The following CCSER1 variants were observed in gnomAD, a reference collection of about 807,000 sequenced individuals.
CCSER1 encodes coiled-coil serine rich protein 1.
A neutral mutation model predicts 82.0 loss-of-function variants in CCSER1; 41 were observed. The ratio of observed to expected loss-of-function variants is 0.50; its 90% CI spans 0.39 to 0.65. The LOEUF is 0.65. CCSER1 is among the 30% of genes least tolerant of loss of function. The probability of loss-of-function intolerance (pLI) is 0.00; values close to 1 mark genes in which losing one functional copy is unlikely to be tolerated. For missense variants in CCSER1, 1,119 were observed against 1,064.2 expected, an observed-to-expected ratio of 1.05 and a Z score of -0.72; for synonymous variants, 414 against 383.9, an observed-to-expected ratio of 1.08 and a Z score of -0.92.
rs1405387399 is a variant in CCSER1, at chr4:90,957,638, TATATAATATATA to T, written c.2172+34194_2172+34205del. Among the ~76,000 whole-genome samples the T allele has an allele frequency of 5.5e-5, 7 of 128,138 alleles. No individual in the cohort carries two copies. In the East Asian group the frequency reaches 1.3e-3, roughly 23 times the overall value. 84.1% of individuals were successfully genotyped at this position (128,138 alleles called of 152,430 possible). A position where few individuals can be genotyped will look rare whatever the true frequency, so the allele number is the denominator to read the frequency against. ...ATTATATTGTATATATTCTATATAA[TATATAATATATA>T]ATTATATATATAACTATATAATTTC... On this transcript the variant is annotated intron_variant, in intron 9 of 10. Coordinates refer to ENST00000509176, the MANE Select transcript of CCSER1 (RefSeq NM_001145065.2).
At chr4:90,916,244 G>A (rs7694360) in intron 8 of CCSER1, among the ~76,000 whole-genome samples, 49 of 151,946 alleles carry the variant, frequency 3.2e-4, no homozygotes, top group African/African-American at 9.6e-4. Flanking sequence ...TGGAGGCATC[G>A]CGCTACCTGA....
chr4:91,376,216 T>A (rs1418924602), intron 10 of CCSER1, among the ~76,000 whole-genome samples: 1 of 152,170 alleles, frequency 6.6e-6, no homozygotes, highest in Non-Finnish European at 1.5e-5. Context: ...ATGACAGAGA[T>A]ACGTTCTAAG....
intron 1 of CCSER1, among the ~76,000 whole-genome samples, chr4:90,306,105 A>G (rs960851724): frequency 3.3e-5 from 5 of 152,348 alleles, no homozygotes; most frequent in African/African-American, 1.2e-4. Flanking sequence ...TCTCAGTTAT[A>G]TATGGAATCT....
chr4:90,939,277 A>G (rs1162538027), intron 9 of CCSER1, among the ~76,000 whole-genome samples: 1 of 152,216 alleles, frequency 6.6e-6, no homozygotes, highest in East Asian at 1.9e-4. Flanking sequence ...GTCTTACTCT[A>G]ACTACAGAAA....
chr4:91,415,978 T>C (rs934309976), intron 10 of CCSER1, among the ~76,000 whole-genome samples: 5 of 152,112 alleles, frequency 3.3e-5, no homozygotes, highest in African/African-American at 1.2e-4. Context: ...CCAGGAATGG[T>C]ACTCTTATTT....
chr4:90,402,459 A>G (rs1470959682), intron 4 of CCSER1, among the ~76,000 whole-genome samples: 1 of 152,190 alleles, frequency 6.6e-6, no homozygotes, highest in Non-Finnish European at 1.5e-5. Context: ...AATATCGTAT[A>G]TAGGCTTTGC....
chr4:91,512,440 G>A (rs1759876403), intron 10 of CCSER1, among the ~76,000 whole-genome samples: 1 of 152,142 alleles, frequency 6.6e-6, no homozygotes, highest in Admixed American at 6.5e-5. Flanking sequence ...AGGGCTCTCA[G>A]GCCTTTGGCC....
intron 10 of CCSER1, among the ~76,000 whole-genome samples, chr4:91,335,244 G>A (rs755902331): frequency 1.3e-4 from 20 of 151,980 alleles, no homozygotes; most frequent in Admixed American, 5.9e-4. Flanking sequence ...AGGGCAAAAT[G>A]TATTTTCTGT....
intron 9 of CCSER1, among the ~76,000 whole-genome samples, chr4:90,951,645 A>G (rs898879130): frequency 2.6e-5 from 4 of 152,128 alleles, no homozygotes; most frequent in Admixed American, 2.6e-4. Context: ...AAGAGATGTT[A>G]TCAAAAACTA....
rs1436610569 is a variant in CCSER1 at position 90,849,166 on chromosome 4, A to T, written c.2094+33321A>T. 2.6e-5 allele frequency among the ~76,000 whole-genome samples: 4 copies of T among 152,332 alleles called. No individual in the cohort carries two copies. In the East Asian group the frequency reaches 7.7e-4, roughly 29 times the overall value. Reference sequence around the variant, plus strand: ...GAGGTAGGAACTGTTTGGAGGGCTCAGAAGACAAGGAAATGGGGGAAAGTT... The same window carrying T: ...GAGGTAGGAACTGTTTGGAGGGCTCTGAAGACAAGGAAATGGGGGAAAGTT... On this transcript the variant is annotated intron_variant, in intron 8 of 10. Transcript: ENST00000509176.
At chr4:90,269,414 A>G (rs188116761) in intron 1 of CCSER1, among the ~76,000 whole-genome samples, 1 of 152,232 alleles carries the variant, frequency 6.6e-6, no homozygotes, top group East Asian at 1.9e-4. Context: ...TGGAACTTAA[A>G]TAGTTTGTTT....
chr4:90,231,944 T>C (rs2153428435), intron 1 of CCSER1, among the ~76,000 whole-genome samples: 1 of 150,948 alleles, frequency 6.6e-6, no homozygotes, highest in African/African-American at 2.4e-5. Context: ...CAAGGAGAAC[T>C]ACAAACCACT....
chr4:91,283,976 C>G lies in CCSER1; in HGVS notation c.2217+197982C>G, dbSNP rs192777092. ...ATGCAATCCCCAGTGTTGTATATTACCTATAATATGTTTGTAGTAAATGGT... is the reference window on the plus strand; with the variant it reads ...ATGCAATCCCCAGTGTTGTATATTAGCTATAATATGTTTGTAGTAAATGGT... On this transcript the variant is annotated intron_variant, in intron 10 of 10. Coordinates refer to ENST00000509176, the MANE Select transcript of CCSER1 (RefSeq NM_001145065.2). Among the ~76,000 whole-genome samples, 7 of 152,102 alleles carry G rather than the reference C, an allele frequency of 4.6e-5. No individual in the cohort carries two copies. The East Asian group carries it at 1.4e-3, about 30-fold the overall frequency.
At chr4:90,626,170 C>T (rs558926480) in intron 5 of CCSER1, among the ~76,000 whole-genome samples, 19 of 152,226 alleles carry the variant, frequency 1.2e-4, no homozygotes, top group South Asian at 6.2e-4. Context: ...GAGTTGTATG[C>T]GTCGATGATT....
intron 5 of CCSER1, among the ~76,000 whole-genome samples, chr4:90,565,598 G>A (rs1779269743): frequency 6.6e-6 from 1 of 152,138 alleles, no homozygotes; most frequent in Non-Finnish European, 1.5e-5. Flanking sequence ...TAATGTCAGT[G>A]GAAAAGTCTT....
At chr4:90,196,356 G>T (rs1305857443) in intron 1 of CCSER1, among the ~76,000 whole-genome samples, 1 of 151,984 alleles carries the variant, frequency 6.6e-6, no homozygotes, top group African/African-American at 2.4e-5. Flanking sequence ...GAGACTTCCA[G>T]ATAGTGGGAT....
chr4:91,536,615 G>A (rs188832903), intron 10 of CCSER1, among the ~76,000 whole-genome samples: 226 of 152,146 alleles, frequency 1.5e-3, no homozygotes, highest in African/African-American at 5.2e-3. Flanking sequence ...TTATTGCTTT[G>A]GCACCCAGTC....
intron 10 of CCSER1, among the ~76,000 whole-genome samples, chr4:91,297,958 A>G (rs1315968874): frequency 6.6e-6 from 1 of 152,026 alleles, no homozygotes; most frequent in Non-Finnish European, 1.5e-5. Context: ...ATAGATAAAA[A>G]TTTGTTCACT....
At chr4:90,549,816 A>T (rs1777232995) in intron 5 of CCSER1, among the ~76,000 whole-genome samples, 1 of 152,072 alleles carries the variant, frequency 6.6e-6, no homozygotes, top group Non-Finnish European at 1.5e-5. Flanking sequence ...GTTCTATAGG[A>T]GACCACAGAG....
Sources: gnomAD v4.1 joint callset for allele counts (sites outside exome capture counted in the v4.1 genomes callset) on GRCh38, gnomAD v4.1.1 for gene constraint, MANE v1.5 for transcripts, NCBI Gene and HGNC (gene_info 2026-07-23, HGNC 2026-07-21) for gene names.